The following PTPRR variants were observed in gnomAD, a reference collection of about 807,000 sequenced individuals.
The protein encoded by PTPRR is receptor-type tyrosine-protein phosphatase R.
Under a neutral mutation model 77.2 loss-of-function variants are expected in PTPRR, and 38 were observed. That is an observed-to-expected ratio of 0.49 (90% confidence interval 0.38 to 0.65). PTPRR has a LOEUF of 0.65. Among genes scored for constraint, PTPRR ranks in the 30% least tolerant of loss-of-function variants. The probability of loss-of-function intolerance (pLI) is 0.00; values close to 1 mark genes in which losing one functional copy is unlikely to be tolerated. For missense variants in PTPRR, 744 were observed against 799.2 expected (o/e 0.93, Z 0.83); for synonymous variants, 299 against 283.1 (o/e 1.06, Z -0.57).
chr12:70,788,784 G>C, intron 2 of PTPRR: 1 of 1,369,286 alleles, frequency 7.3e-7, no homozygotes, highest in South Asian at 1.2e-5. Context: ...TTACACCGAG[G>C]ACCCTCTGCC....
chr12:70,798,243 G>A (rs1891550532), intron 2 of PTPRR, among the ~76,000 whole-genome samples: 1 of 152,060 alleles, frequency 6.6e-6, no homozygotes, highest in Non-Finnish European at 1.5e-5. Flanking sequence ...TGTTAGTTCT[G>A]CTTCCAAATA....
chr12:70,899,970 C>T (rs1264337838), intron 1 of PTPRR, among the ~76,000 whole-genome samples: 1 of 151,288 alleles, frequency 6.6e-6, no homozygotes, highest in Non-Finnish European at 1.5e-5. Context: ...TCTAACAGAA[C>T]ATGTGCAAGA....
At chr12:70,770,135 C>A (rs1395308436) in intron 2 of PTPRR, among the ~76,000 whole-genome samples, 2 of 147,588 alleles carry the variant, frequency 1.4e-5, no homozygotes, top group Admixed American at 6.7e-5. Context: ...AAAGCAATGG[C>A]AACAAAAGAC....
intron 13 of PTPRR, among the ~76,000 whole-genome samples, chr12:70,654,402 GC>G (rs1215885031): frequency 6.6e-6 from 1 of 152,060 alleles, no homozygotes; most frequent in Non-Finnish European, 1.5e-5. Context: ...ACATGGCAAA[GC>G]CCCAGCTCTA....
Position 70,814,165 on chromosome 12 carries a change from C to T in PTPRR, c.358-49387G>A, listed in dbSNP as rs145150528. ...AGCAAATTTATTTTGTAGGTGCTTG[C>T]ATAACAAGAGAGAAAACTCTTTTTC... On this transcript the variant is annotated intron_variant, in intron 2 of 13. Coordinates refer to ENST00000283228, the MANE Select transcript of PTPRR (RefSeq NM_002849.4). 6.6e-5 allele frequency among the ~76,000 whole-genome samples: 10 copies of T among 152,274 alleles called. No individual in the cohort carries two copies. The East Asian group carries it at 1.5e-3, about 24-fold the overall frequency.
chr12:70,869,670 C>G (rs1324929749), intron 2 of PTPRR, among the ~76,000 whole-genome samples: 1 of 151,976 alleles, frequency 6.6e-6, no homozygotes, highest in African/African-American at 2.4e-5. Context: ...GGGTCAGAAT[C>G]AGAGAGAGAA....
chr12:70,698,033 T>C (rs1044397710), intron 8 of PTPRR, among the ~76,000 whole-genome samples: 1 of 152,118 alleles, frequency 6.6e-6, no homozygotes, highest in Non-Finnish European at 1.5e-5. Context: ...AGGTAAGGGT[T>C]AATGGGAAGA....
intron 1 of PTPRR, among the ~76,000 whole-genome samples, chr12:70,912,536 G>A (rs1893715000): frequency 6.6e-6 from 1 of 152,110 alleles, no homozygotes; most frequent in Non-Finnish European, 1.5e-5. Context: ...CAATGAACTT[G>A]GCATTTGCTA....
At chr12:70,765,530 A>C (rs1462444860) in intron 2 of PTPRR, among the ~76,000 whole-genome samples, 1 of 152,184 alleles carries the variant, frequency 6.6e-6, no homozygotes, top group Non-Finnish European at 1.5e-5. Flanking sequence ...GGTGGAGCCC[A>C]CCACAGCTCA....
At chr12:70,873,098 A>G (rs1343543163) in intron 2 of PTPRR, among the ~76,000 whole-genome samples, 1 of 152,184 alleles carries the variant, frequency 6.6e-6, no homozygotes, top group African/African-American at 2.4e-5. Context: ...CCTGTCTCAA[A>G]CAAGCCATCT....
intron 10 of PTPRR, chr12:70,673,124 A>G: frequency 1.3e-6 from 1 of 761,844 alleles, no homozygotes; most frequent in Admixed American, 3.6e-5. Flanking sequence ...TTGGAGAAGG[A>G]GGATGAGAGC....
rs1224832090 is a variant in PTPRR at position 70,639,273 on chromosome 12, C to T, written c.1885G>A (p.Gly629Arg). 3 of 1,612,718 alleles carry T rather than the reference C, an allele frequency of 1.9e-6. No homozygotes were observed. Among genetic ancestry groups the T allele is most frequent in the Non-Finnish European group, 2.5e-6 (3 of 1,179,752 alleles). The change falls in exon 14 of 14, where the codon GGA becomes AGA. Residue 629 changes from glycine to arginine, a missense_variant. Coordinates refer to ENST00000283228, the MANE Select transcript of PTPRR (RefSeq NM_002849.4). ...TACTGCTCACTGGTTTGCACCATTC[C>T]ACCTCTGCAAGGAAGAAATCATAAA... is the stretch of plus-strand genomic sequence containing the variant. Reference protein sequence around the residue: ...IVCQLRMDRGGMVQTSEQYEF... With the variant: ...IVCQLRMDRGRMVQTSEQYEF...
intron 2 of PTPRR, among the ~76,000 whole-genome samples, chr12:70,765,499 G>A (rs2136969490): frequency 6.6e-6 from 1 of 152,276 alleles, no homozygotes; most frequent in East Asian, 1.9e-4. Flanking sequence ...GGTAAACAAA[G>A]CAGCCGGGAA....
At chr12:70,787,947 T>C (rs868159842) in intron 2 of PTPRR, among the ~76,000 whole-genome samples, 4 of 152,344 alleles carry the variant, frequency 2.6e-5, no homozygotes, top group Non-Finnish European at 2.9e-5. Flanking sequence ...AACCATTATA[T>C]TGTTTTTAAA....
intron 2 of PTPRR, among the ~76,000 whole-genome samples, chr12:70,785,211 T>C (rs904188693): frequency 1.3e-5 from 2 of 152,184 alleles, no homozygotes; most frequent in African/African-American, 4.8e-5. Flanking sequence ...ATCTTTCTTT[T>C]CTTCATTTTT....
At chr12:70,684,611 A>T in intron 9 of PTPRR, 93 bp downstream of exon 9, 2 of 911,310 alleles carry the variant, frequency 2.2e-6, no homozygotes, top group Non-Finnish European at 3.4e-6. Flanking sequence ...TAATCAAGTT[A>T]AACCAAGCTT....
chr12:70,673,401 G>A (rs1887319793), intron 10 of PTPRR, among the ~76,000 whole-genome samples: 1 of 152,246 alleles, frequency 6.6e-6, no homozygotes, highest in South Asian at 2.1e-4. Context: ...ACACCGTAAT[G>A]TATCTTACAC....
At chr12:70,820,479 G>T (rs1055922167) in intron 2 of PTPRR, among the ~76,000 whole-genome samples, 1 of 152,130 alleles carries the variant, frequency 6.6e-6, no homozygotes, top group Non-Finnish European at 1.5e-5. Flanking sequence ...GACTACAGGC[G>T]CCCGCCACCA....
chr12:70,723,202 A>G (rs1009246519), intron 6 of PTPRR, among the ~76,000 whole-genome samples: 2 of 152,204 alleles, frequency 1.3e-5, no homozygotes. Context: ...TTTCCTGTGT[A>G]CAAGTTAAAA....
Sources: allele counts gnomAD v4.1 joint callset (sites outside exome capture counted in the v4.1 genomes callset), GRCh38; gene constraint gnomAD v4.1.1; transcripts MANE v1.5; gene names NCBI Gene and HGNC (gene_info 2026-07-23, HGNC 2026-07-21).